FOXN3: variants seen among roughly 807,000 people sequenced by gnomAD.
FOXN3 encodes the protein forkhead box N3, also known as forkhead box protein N3.
A neutral mutation model predicts 38.4 loss-of-function variants in FOXN3; 7 were observed. That is an observed-to-expected ratio of 0.18 (90% CI 0.10 to 0.34). FOXN3 has a LOEUF of 0.34. FOXN3 is among the 10% of genes least tolerant of loss of function. The pLI, the probability that FOXN3 is intolerant of heterozygous loss-of-function variation, is 1.00. For missense variants in FOXN3, 456 were observed against 613.4 expected (o/e 0.74, Z 2.71); for synonymous variants, 230 against 242.2 (o/e 0.95, Z 0.47).
At chr14:89,570,507 C>A (rs958073196) in intron 1 of FOXN3, among the ~76,000 whole-genome samples, 1 of 151,272 alleles carries the variant, frequency 6.6e-6, no homozygotes, top group Non-Finnish European at 1.5e-5. Context: ...GATGAAAAAA[C>A]GGGAAAATGA....
intron 3 of FOXN3, among the ~76,000 whole-genome samples, chr14:89,331,537 CT>C (rs1888248080): frequency 6.6e-6 from 1 of 152,184 alleles, no homozygotes; most frequent in Non-Finnish European, 1.5e-5. Flanking sequence ...GTGAAGGGGA[CT>C]GAGGATGAAG....
At chr14:89,530,379 G>A (rs563599422) in intron 1 of FOXN3, among the ~76,000 whole-genome samples, 59 of 152,178 alleles carry the variant, frequency 3.9e-4, no homozygotes, top group African/African-American at 1.0e-3. Flanking sequence ...GAGCATGATC[G>A]GGGAACTCCC....
chr14:89,360,716 TACCTCCACC>T (rs1889459559), intron 2 of FOXN3, among the ~76,000 whole-genome samples: 2 of 93,260 alleles, frequency 2.1e-5, no homozygotes, highest in Non-Finnish European at 4.6e-5. Context: ...CCTCCAGCAC[TACCTCCACC>T]ACCACCACCT....
At chr14:89,309,275 C>G (rs554814922) in intron 3 of FOXN3, among the ~76,000 whole-genome samples, 1 of 152,102 alleles carries the variant, frequency 6.6e-6, no homozygotes, top group South Asian at 2.1e-4. Context: ...TTCCAAGCCT[C>G]CAGGAGTTGC....
At chr14:89,323,317 G>C (rs1317486322) in intron 3 of FOXN3, among the ~76,000 whole-genome samples, 2 of 149,270 alleles carry the variant, frequency 1.3e-5, no homozygotes, top group Non-Finnish European at 3.0e-5. Flanking sequence ...AAGAAAGAAA[G>C]AAAGAAAGAA....
chr14:89,220,780 A>C (rs1442048062), intron 4 of FOXN3, among the ~76,000 whole-genome samples: 5 of 152,186 alleles, frequency 3.3e-5, no homozygotes, highest in Admixed American at 3.3e-4. Flanking sequence ...GTGTTAATAC[A>C]TGCTTTGAAA....
At chr14:89,221,826 CT>C (rs760636778) in intron 4 of FOXN3, among the ~76,000 whole-genome samples, 323 of 144,526 alleles carry the variant, frequency 2.2e-3, no homozygotes, top group South Asian at 3.9e-3. Flanking sequence ...TCTATATAAT[CT>C]TTTTTTTTTT....
At chr14:89,434,585 C>T (rs537905929) in intron 1 of FOXN3, among the ~76,000 whole-genome samples, 9 of 152,070 alleles carry the variant, frequency 5.9e-5, no homozygotes, top group African/African-American at 7.2e-5. Context: ...CACTCCAGAG[C>T]ACAGGCCTGG....
In FOXN3 at chr14:89,163,039, G is replaced by A; in HGVS notation, c.852-70C>T. ...ACACAGTTAGACGTCCTCAGATGGG[G>A]GCACCCGGCAGCCCGCCTGCATTCA... On this transcript the variant is annotated intron_variant, in intron 5 of 5. Coordinates refer to ENST00000557258, the MANE Select transcript of FOXN3 (RefSeq NM_005197.4). This position sits in a 1 kb window ranked among gnomAD's most constrained non-coding sequence, Gnocchi z 4.3. 2 of 1,389,920 alleles carry A rather than the reference G, an allele frequency of 1.4e-6. No individual in the cohort carries two copies. Among genetic ancestry groups the A allele is most frequent in the African/African-American group, 1.4e-5 (1 of 69,176 alleles). The allele number at this position is 1,389,920 out of a possible 1,614,324, so 86.1% of individuals were successfully genotyped here.
chr14:89,404,418 C>T (rs753563103), intron 2 of FOXN3, among the ~76,000 whole-genome samples: 1 of 146,044 alleles, frequency 6.8e-6, no homozygotes, highest in Non-Finnish European at 1.5e-5. Context: ...GCAGGAGAAT[C>T]GCTTGAACCT....
At chr14:89,251,619 T>C (rs1240371533) in intron 4 of FOXN3, among the ~76,000 whole-genome samples, 4 of 152,212 alleles carry the variant, frequency 2.6e-5, no homozygotes, top group African/African-American at 7.2e-5. Context: ...ATATTAAGAG[T>C]ACATGGACCT....
chr14:89,317,779 C>T (rs1292896556), intron 3 of FOXN3, among the ~76,000 whole-genome samples: 1 of 151,926 alleles, frequency 6.6e-6, no homozygotes, highest in Non-Finnish European at 1.5e-5. Context: ...GAACCGGCTG[C>T]ACAGCAGGAG....
chr14:89,343,047 G>A (rs1428172944), intron 3 of FOXN3, among the ~76,000 whole-genome samples: 1 of 152,166 alleles, frequency 6.6e-6, no homozygotes, highest in Admixed American at 6.5e-5. Flanking sequence ...TTCAATGTAA[G>A]TTAAAACTGA....
chr14:89,614,194 T>C (rs1323433951), intron 1 of FOXN3, among the ~76,000 whole-genome samples: 1 of 152,224 alleles, frequency 6.6e-6, no homozygotes, highest in Admixed American at 6.5e-5. Context: ...ATTTCATGAA[T>C]GACACTTCAT....
chr14:89,509,169 C>T (rs1338695790), intron 1 of FOXN3, among the ~76,000 whole-genome samples: 2 of 152,136 alleles, frequency 1.3e-5, no homozygotes, highest in South Asian at 2.1e-4. Flanking sequence ...GGCTGAGCAT[C>T]GACCTGCCTT....
At chr14:89,611,805 C>CAAAAAAA (rs56373132) in intron 1 of FOXN3, among the ~76,000 whole-genome samples, 1 of 89,304 alleles carries the variant, frequency 1.1e-5, no homozygotes, top group Non-Finnish European at 2.2e-5. Context: ...GACTCCGTCT[C>CAAAAAAA]AAAAAAAAAA....
At chr14:89,272,238 G>A (rs1043011087) in intron 4 of FOXN3, among the ~76,000 whole-genome samples, 1 of 151,976 alleles carries the variant, frequency 6.6e-6, no homozygotes, top group African/African-American at 2.4e-5. Flanking sequence ...GCTTGAACCC[G>A]GGAGGCGGAG....
intron 1 of FOXN3, among the ~76,000 whole-genome samples, chr14:89,480,966 T>C (rs2139760059): frequency 6.6e-6 from 1 of 152,266 alleles, no homozygotes; most frequent in East Asian, 1.9e-4. Context: ...ATTTTGTGGG[T>C]TTGGTTTTGA....
At chr14:89,511,421 T>A (rs563502128) in intron 1 of FOXN3, among the ~76,000 whole-genome samples, 1 of 151,238 alleles carries the variant, frequency 6.6e-6, no homozygotes, top group Admixed American at 6.6e-5. Flanking sequence ...GCCCCCTGAG[T>A]AGCTAGGACT....
Sources: allele counts gnomAD v4.1 joint callset (sites outside exome capture counted in the v4.1 genomes callset), GRCh38; gene constraint gnomAD v4.1.1; non-coding constraint Gnocchi (gnomAD v3.1); transcripts MANE v1.5; gene names NCBI Gene and HGNC (gene_info 2026-07-23, HGNC 2026-07-21).